The following HYCC2 variants were observed in gnomAD, a reference collection of about 807,000 sequenced individuals.
The protein encoded by HYCC2 is hyccin 2.
chr2:201,054,446 C>CTT, the HYCC2 span, among the ~76,000 whole-genome samples: 1 of 152,214 alleles, frequency 6.6e-6, no homozygotes, highest in Non-Finnish European at 1.5e-5. Context: ...GCCCTTTTGA[C>CTT]ATAAACCTAG....
the HYCC2 span, among the ~76,000 whole-genome samples, chr2:201,062,646 G>C: frequency 2.0e-5 from 3 of 146,806 alleles, no homozygotes; most frequent in South Asian, 6.5e-4. Context: ...GCGAGACTCT[G>C]TCTCACAAAA....
At chr2:200,975,087 T>A in the HYCC2 span, 1 of 151,974 alleles carries the variant, frequency 6.6e-6, no homozygotes, top group East Asian at 1.9e-4. Context: ...GAAACTGTGC[T>A]ATGAGGAATA....
At chr2:200,998,718 T>G in the HYCC2 span, among the ~76,000 whole-genome samples, 1 of 152,210 alleles carries the variant, frequency 6.6e-6, no homozygotes, top group Non-Finnish European at 1.5e-5. Flanking sequence ...AAACATACAC[T>G]TCTATGTCTT....
At chr2:201,039,870 T>A in the HYCC2 span, among the ~76,000 whole-genome samples, 3 of 151,468 alleles carry the variant, frequency 2.0e-5, no homozygotes, top group African/African-American at 7.3e-5. Context: ...GAAAAAAAAA[T>A]GTGTCTTAAA....
chr2:201,065,805 A>G, the HYCC2 span, among the ~76,000 whole-genome samples: 1 of 152,228 alleles, frequency 6.6e-6, no homozygotes, highest in Non-Finnish European at 1.5e-5. Context: ...GCAGGCAATT[A>G]CATGTATAGA....
the HYCC2 span, chr2:201,023,060 A>G: frequency 1.6e-6 from 1 of 630,854 alleles, no homozygotes; most frequent in African/African-American, 1.9e-5. Context: ...ATTAATATAA[A>G]GAAATAGGCT....
the HYCC2 span, chr2:201,063,149 T>C: frequency 6.2e-6 from 10 of 1,610,194 alleles, no homozygotes; most frequent in East Asian, 2.2e-5. Flanking sequence ...CATTGGAGGG[T>C]TGAGCTTTGA....
the HYCC2 span, chr2:200,979,760 T>A: frequency 6.6e-6 from 1 of 152,658 alleles, no homozygotes; most frequent in African/African-American, 2.4e-5. Context: ...TACACTTTTT[T>A]AAAACCCAAT....
At chr2:201,032,092 C>T in the HYCC2 span, among the ~76,000 whole-genome samples, 1 of 152,132 alleles carries the variant, frequency 6.6e-6, no homozygotes, top group Non-Finnish European at 1.5e-5. Context: ...TCCCGAGTAT[C>T]TGGGATTACA....
the HYCC2 span, among the ~76,000 whole-genome samples, chr2:201,055,220 C>T: frequency 6.6e-6 from 1 of 151,160 alleles, no homozygotes; most frequent in Non-Finnish European, 1.5e-5. Context: ...AAAAAATTTA[C>T]CATCTTAACC....
At chr2:201,043,057 T>G in the HYCC2 span, among the ~76,000 whole-genome samples, 2 of 152,270 alleles carry the variant, frequency 1.3e-5, no homozygotes, top group East Asian at 3.9e-4. Context: ...GAAGTAGACA[T>G]AGGAGACTCC....
chr2:200,987,344 GCCT>G, the HYCC2 span: 14 of 1,284,986 alleles, frequency 1.1e-5, no homozygotes, highest in Middle Eastern at 8.8e-4. Flanking sequence ...ACTGACTTCT[GCCT>G]CCTCATCTCT....
the HYCC2 span, among the ~76,000 whole-genome samples, chr2:201,006,159 G>T: frequency 1.5e-5 from 2 of 135,724 alleles, no homozygotes. Context: ...ACGGAGTCTT[G>T]CTCTGTCACC....
chr2:201,041,041 C>T, the HYCC2 span, among the ~76,000 whole-genome samples: 1 of 152,176 alleles, frequency 6.6e-6, no homozygotes, highest in African/African-American at 2.4e-5. Flanking sequence ...CCCGCTGTCC[C>T]TCATTTCAAA....
the HYCC2 span, among the ~76,000 whole-genome samples, chr2:201,011,049 G>A: frequency 5.3e-5 from 8 of 152,018 alleles, no homozygotes; most frequent in Non-Finnish European, 8.8e-5. Flanking sequence ...GGAGGCCGAG[G>A]CAGGAGAATC....
the HYCC2 span, among the ~76,000 whole-genome samples, chr2:201,006,392 C>T: frequency 3.3e-5 from 5 of 151,088 alleles, no homozygotes; most frequent in African/African-American, 7.3e-5. Flanking sequence ...CCACCTGCAT[C>T]GGCCTCCCAA....
the HYCC2 span, among the ~76,000 whole-genome samples, chr2:201,026,799 G>C: frequency 6.6e-6 from 1 of 152,096 alleles, no homozygotes; most frequent in East Asian, 1.9e-4. Context: ...AGAATCTCTG[G>C]GACACATTTA....
the HYCC2 span, among the ~76,000 whole-genome samples, chr2:201,053,965 AAAAC>A: frequency 4.6e-5 from 7 of 152,316 alleles, no homozygotes; most frequent in African/African-American, 7.2e-5. Context: ...CTCCATCTCA[AAAAC>A]AAACAAACAA....
the HYCC2 span, chr2:200,987,415 G>A: frequency 7.8e-7 from 1 of 1,289,756 alleles, no homozygotes; most frequent in Non-Finnish European, 1.0e-6. Context: ...ATGCTCAGGG[G>A]TCCTGCGCAC....
Sources: gnomAD v4.1 joint callset for allele counts (sites outside exome capture counted in the v4.1 genomes callset) on GRCh38, gnomAD v4.1.1 for gene constraint, MANE v1.5 for transcripts, NCBI Gene and HGNC (gene_info 2026-07-23, HGNC 2026-07-21) for gene names.